PCYT1A: variants seen among roughly 807,000 people sequenced by gnomAD.
PCYT1A encodes the protein choline-phosphate cytidylyltransferase A.
A neutral mutation model predicts 43.7 loss-of-function variants in PCYT1A; 25 were observed. That is an observed-to-expected ratio of 0.57 (90% CI 0.42 to 0.80). The LOEUF is 0.80. PCYT1A is among the 30% of genes least tolerant of loss of function. The probability of loss-of-function intolerance (pLI) is 0.00; values close to 1 mark genes in which losing one functional copy is unlikely to be tolerated. For missense variants in PCYT1A, 421 were observed against 474.2 expected, an observed-to-expected ratio of 0.89 and a Z score of 1.04; for synonymous variants, 172 against 170.7, an observed-to-expected ratio of 1.01 and a Z score of -0.06.
In PCYT1A at chr3:196,236,877, G is replaced by A. The variant is rs183201486; in HGVS notation, c.*1811C>T. ...AGATGGGGTTTCACCACGTTGGTCA[G>A]GCTGGTCTCAAACTCGTGGCCTCAA... On this transcript the variant is annotated 3_prime_UTR_variant, in exon 9 of 9. Coordinates refer to ENST00000431016, the MANE Select transcript of PCYT1A (RefSeq NM_001312673.2). 1 of 152,312 alleles carries A rather than the reference G, an allele frequency of 6.6e-6. No homozygotes were observed. The highest frequency in any genetic ancestry group is 1.9e-4 in the East Asian group (1 of 5,182). The allele number at this position is 152,312 out of a possible 1,614,324, so 9.4% of individuals were successfully genotyped here.
intron 2 of PCYT1A, among the ~76,000 whole-genome samples, chr3:196,259,356 T>G (rs201715963): frequency 6.9e-6 from 1 of 145,682 alleles, no homozygotes; most frequent in Non-Finnish European, 1.5e-5. Flanking sequence ...AATTGTCAAA[T>G]TTTTGGCATG....
chr3:196,252,053 C>G lies in PCYT1A; in HGVS notation c.218-3730G>C, dbSNP rs1184043919. Among the ~76,000 whole-genome samples, 1 of 151,434 alleles carries G rather than the reference C, an allele frequency of 6.6e-6. No homozygotes were observed. The highest frequency in any genetic ancestry group is 2.4e-5 in the African/African-American group (1 of 41,142). On this transcript the variant is annotated intron_variant, in intron 3 of 8. Transcript: ENST00000431016. This position sits in a 1 kb window ranked among gnomAD's most constrained non-coding sequence, Gnocchi z 4.0. The stretch of plus-strand genomic sequence containing the variant: ...GCCTCCCGAGAAGCTGGGACTACAG[C>G]GCACACCACCACGCCCCGCTGACTA...
At position 196,273,589 on chromosome 3, in the gene PCYT1A, G is replaced by A. The variant is rs1024897205; in HGVS notation, c.-10-3048C>T. Among the ~76,000 whole-genome samples the A allele has an allele frequency of 1.3e-5, 2 of 150,680 alleles. No homozygotes were observed. Among genetic ancestry groups the A allele is most frequent in the Middle Eastern group, 3.2e-3 (1 of 316 alleles). On this transcript the variant is annotated intron_variant, in intron 1 of 8. Transcript: ENST00000431016. The surrounding 1 kb of genome is among the most constrained non-coding windows in gnomAD (Gnocchi z 4.1). ...GCGGAGAGGAGACCCAGAGTGGATAGCTCCTATCTGCAGGCAGGTCATCCT... is the reference window on the plus strand; with the variant it reads ...GCGGAGAGGAGACCCAGAGTGGATAACTCCTATCTGCAGGCAGGTCATCCT...
Position 196,239,632 on chromosome 3 carries a change from C to CT in PCYT1A, c.811dup (p.Ser271LysfsTer3). On this transcript the variant is annotated frameshift_variant, in exon 8 of 9. Transcript: ENST00000431016. LOFTEE classifies it high-confidence loss of function. Reference sequence around the variant, plus strand: ...CTCCCACTTCTGAATGAGGTCAATGCTTTTTTCCTCCACCTTCTGAACAAA... The same window carrying CT: ...CTCCCACTTCTGAATGAGGTCAATGCTTTTTTTCCTCCACCTTCTGAACAAA... 1.2e-6 allele frequency: 2 copies of CT among 1,610,346 alleles called. No homozygotes were observed. Among genetic ancestry groups the CT allele is most frequent in the Non-Finnish European group, 1.7e-6 (2 of 1,176,524 alleles).
chr3:196,239,411 G>C (rs1332418274), intron 8 of PCYT1A, 136 bp downstream of exon 8: 1 of 567,374 alleles, frequency 1.8e-6, no homozygotes, highest in Non-Finnish European at 3.1e-6. Flanking sequence ...GCTGGGGACA[G>C]TTGAAAGATA....
At position 196,242,626 on chromosome 3, in the gene PCYT1A, G is replaced by T; in HGVS notation, c.501C>A (p.Ala167=). ...CAGATGAATAAGGAATATCATCATG[G>T]GCTACAAAATCAATCTGAAAATAAG... ...FLAEHRIDFV[A]HDDIPYSSAG... is the part of the protein sequence containing the mutation. The change falls in exon 6 of 9, where the codon GCC becomes GCA. Residue 167 remains alanine (A), a synonymous_variant. Coordinates refer to ENST00000431016, the MANE Select transcript of PCYT1A (RefSeq NM_001312673.2). This position sits in a 1 kb window ranked among gnomAD's most constrained non-coding sequence, Gnocchi z 4.2. 1.2e-6 allele frequency: 2 copies of T among 1,605,998 alleles called. No homozygotes were observed. Among genetic ancestry groups the T allele is most frequent in the Non-Finnish European group, 1.7e-6 (2 of 1,172,668 alleles).
rs534314812 is a variant in PCYT1A, at chr3:196,276,829, G to A, written c.-10-6288C>T. Among the ~76,000 whole-genome samples, 145 of 152,168 alleles carry A rather than the reference G, an allele frequency of 9.5e-4. 1 individual carries two copies. The highest frequency in any genetic ancestry group is 1.8e-3 in the Non-Finnish European group (122 of 68,004). ...CACATGCCTGTAGTCCCAGCTACTC[G>A]GGAGGCCGAGGTGGGAGGACTACTT... On this transcript the variant is annotated intron_variant, in intron 1 of 8. Coordinates refer to ENST00000431016, the MANE Select transcript of PCYT1A (RefSeq NM_001312673.2).
rs988140355 is a variant in PCYT1A at position 196,238,451 on chromosome 3, G to GT, written c.*236_*237insA. 1.1e-5 allele frequency: 4 copies of GT among 364,266 alleles called. No homozygotes were observed. Among genetic ancestry groups the GT allele is most frequent in the African/African-American group, 2.1e-5 (1 of 47,750 alleles). The allele number at this position is 364,266 out of a possible 1,614,324, so 22.6% of individuals were successfully genotyped here. A position where few individuals can be genotyped will look rare whatever the true frequency, so the allele number is the denominator to read the frequency against. On this transcript the variant is annotated 3_prime_UTR_variant, in exon 9 of 9. Transcript: ENST00000431016. ...ACAGTGAAACAAAGCCCTTGGGGGG[G>GT]GGTAAATGGATGCAGAGCAGGCTTC...
At chr3:196,269,951 G>A (rs563096745) in intron 2 of PCYT1A, among the ~76,000 whole-genome samples, 144 of 152,172 alleles carry the variant, frequency 9.5e-4, no homozygotes, top group African/African-American at 3.1e-3. Flanking sequence ...TCGGCTCACC[G>A]CATCCTCCGC....
In PCYT1A at chr3:196,277,095, T is replaced by A. The variant is rs913339693; in HGVS notation, c.-10-6554A>T. On this transcript the variant is annotated intron_variant, in intron 1 of 8. Transcript: ENST00000431016. The surrounding 1 kb of genome is among the most constrained non-coding windows in gnomAD (Gnocchi z 4.1). Reference sequence around the variant, plus strand: ...AAATATAAAAATTAGCCAGGTGTGGTGGCGGGCACCTGTAATCCCAGCTAC... The same window carrying A: ...AAATATAAAAATTAGCCAGGTGTGGAGGCGGGCACCTGTAATCCCAGCTAC... 2.6e-5 allele frequency among the ~76,000 whole-genome samples: 4 copies of A among 152,066 alleles called. No individual in the cohort carries two copies. The highest frequency in any genetic ancestry group is 5.9e-5 in the Non-Finnish European group (4 of 68,018).
intron 1 of PCYT1A, among the ~76,000 whole-genome samples, chr3:196,286,871 G>A (rs1243067672): frequency 2.6e-5 from 4 of 152,172 alleles, no homozygotes; most frequent in Non-Finnish European, 5.9e-5. Flanking sequence ...CTGAGATCGC[G>A]CCACTGCGCT....
At position 196,273,089 on chromosome 3, in the gene PCYT1A, C is replaced by T. The variant is rs549062633; in HGVS notation, c.-10-2548G>A. On this transcript the variant is annotated intron_variant, in intron 1 of 8. Transcript: ENST00000431016. This position sits in a 1 kb window ranked among gnomAD's most constrained non-coding sequence, Gnocchi z 4.1. Reference sequence around the variant, plus strand: ...GCCAGCTGCCAGGGGGTGAGCAGCTCGAGGCGCCAGCTCCCTGAGAGGCTG... The same window carrying T: ...GCCAGCTGCCAGGGGGTGAGCAGCTTGAGGCGCCAGCTCCCTGAGAGGCTG... Among the ~76,000 whole-genome samples, 1 of 152,294 alleles carries T rather than the reference C, an allele frequency of 6.6e-6. No individual in the cohort carries two copies. The highest frequency in any genetic ancestry group is 2.4e-5 in the African/African-American group (1 of 41,554).
rs1246150377 is a variant in PCYT1A at position 196,241,984 on chromosome 3, G to A, written c.672C>T (p.Gly224=). 4 of 1,614,168 alleles carry A rather than the reference G, an allele frequency of 2.5e-6. No homozygotes were observed. The highest frequency in any genetic ancestry group is 3.4e-6 in the Non-Finnish European group (4 of 1,180,032). ...DVYARRNLQR[G]YTAKELNVSF... ...TGACATTGAGCTCCTTTGCTGTGTA[G>A]CCCCTCTGCAGGTTCCGCCTCGCAT... Residue 224 remains glycine, a synonymous_variant, in exon 7 of 9, where the codon GGC becomes GGT. Transcript: ENST00000431016.
chr3:196,245,831 A>G (rs1276090442), intron 5 of PCYT1A, among the ~76,000 whole-genome samples: 1 of 151,962 alleles, frequency 6.6e-6, no homozygotes, highest in Non-Finnish European at 1.5e-5. Context: ...CGCACCTGTA[A>G]TCCCAGCTAC....
Position 196,248,317 on chromosome 3 carries a change from C to A in PCYT1A, c.224G>T (p.Arg75Leu). Residue 75 changes from arginine (R) to leucine (L), a missense_variant, in exon 4 of 9, where the codon CGA becomes CTA. Arg to Leu is a moderately radical substitution (Grantham distance 102). This residue lies in a region of PCYT1A where 139 missense variants were observed against 117.7 expected (regional missense o/e 1.18). Coordinates refer to ENST00000431016, the MANE Select transcript of PCYT1A (RefSeq NM_001312673.2). ...TCCATCGGCATAAACTCTCACAGGT[C>A]GCTCACCTAAATCCAAATGAAAGAA... ...EEASRGTPCERPVRVYADGIF... is the reference protein window; with the variant it reads ...EEASRGTPCELPVRVYADGIF... 1 of 1,587,324 alleles carries A rather than the reference C, an allele frequency of 6.3e-7. No individual in the cohort carries two copies. The highest frequency in any genetic ancestry group is 1.3e-5 in the African/African-American group (1 of 74,500).
At chr3:196,276,024 G>T (rs1466807253) in intron 1 of PCYT1A, among the ~76,000 whole-genome samples, 2 of 151,252 alleles carry the variant, frequency 1.3e-5, no homozygotes, top group Non-Finnish European at 2.9e-5. Context: ...GTGAACCCGG[G>T]AGGCAGAGCT....
chr3:196,267,178 C>CAAAA (rs878961519), intron 2 of PCYT1A: 92 of 194,014 alleles, frequency 4.7e-4, no homozygotes, highest in East Asian at 1.1e-3. Flanking sequence ...GACTCAGTCT[C>CAAAA]AAAAAAAAAA....
rs1018040461 is a variant in PCYT1A at position 196,238,318 on chromosome 3, C to T, written c.*370G>A. The T allele has an allele frequency of 1.6e-4, 26 of 164,008 alleles. No homozygotes were observed. Among genetic ancestry groups the T allele is most frequent in the Admixed American group, 5.1e-4 (8 of 15,602 alleles). 10.2% of individuals were successfully genotyped at this position (164,008 alleles called of 1,614,324 possible). A position where few individuals can be genotyped will look rare whatever the true frequency, so the allele number is the denominator to read the frequency against. ...CCTCTGCGTATTACACTACCTCCTT[C>T]TTCTGCCCACTCCTCAGGGGCAAAA... On this transcript the variant is annotated 3_prime_UTR_variant, in exon 9 of 9. Transcript: ENST00000431016.
chr3:196,243,328 A>G (rs1030719910), intron 5 of PCYT1A: 9 of 116,332 alleles, frequency 7.7e-5, no homozygotes, highest in African/African-American at 2.4e-4. Flanking sequence ...ACTCTGTCTC[A>G]AAAAAAAAAA....
Sources: gnomAD v4.1 joint callset for allele counts (sites outside exome capture counted in the v4.1 genomes callset) on GRCh38, gnomAD v4.1.1 for gene constraint, gnomAD v4.1.1 regional missense constraint, Gnocchi (gnomAD v3.1) non-coding constraint, MANE v1.5 for transcripts, NCBI Gene and HGNC (gene_info 2026-07-23, HGNC 2026-07-21) for gene names.